The following CHIC1 variants were observed in gnomAD, a reference collection of about 807,000 sequenced individuals.
CHIC1 encodes cysteine-rich hydrophobic domain-containing protein 1.
A neutral mutation model predicts 18.5 loss-of-function variants in CHIC1; 7 were observed. The observed-to-expected ratio is 0.38, with a 90% CI of 0.22 to 0.71. The LOEUF is 0.71. CHIC1 is among the 30% of genes least tolerant of loss of function. The pLI, the probability that CHIC1 is intolerant of heterozygous loss-of-function variation, is 0.49. For synonymous variants in CHIC1, 77 were observed against 73.5 expected, an observed-to-expected ratio of 1.05 and a Z score of -0.25; for missense variants, 159 against 176.9, an observed-to-expected ratio of 0.90 and a Z score of 0.57.
At chrX:73,656,726 A>G (rs1010019083) in intron 3 of CHIC1, among the ~76,000 whole-genome samples, 3 of 112,194 alleles carry the variant, frequency 2.7e-5, no homozygotes, top group African/African-American at 9.7e-5. Flanking sequence ...GTTCAGAGTC[A>G]GGTAGCGTGA....
intron 3 of CHIC1, among the ~76,000 whole-genome samples, chrX:73,659,959 A>G (rs1327961733): frequency 4.5e-5 from 5 of 111,703 alleles, no homozygotes; most frequent in Non-Finnish European, 9.4e-5. Flanking sequence ...GGACATCAGT[A>G]TGATCACCCT....
intron 1 of CHIC1, among the ~76,000 whole-genome samples, chrX:73,573,562 G>A (rs1369224232): frequency 9.0e-6 from 1 of 111,412 alleles, no homozygotes; most frequent in Admixed American, 9.5e-5. Context: ...AGCGTGAAAT[G>A]TCTTTCCATT....
At chrX:73,658,666 C>T (rs1466327965) in intron 3 of CHIC1, among the ~76,000 whole-genome samples, 1 of 110,081 alleles carries the variant, frequency 9.1e-6, no homozygotes, top group Non-Finnish European at 1.9e-5. Context: ...TATTTCTTAT[C>T]TGCTACTAAA....
intron 3 of CHIC1, among the ~76,000 whole-genome samples, chrX:73,594,901 G>A (rs1015187606): frequency 5.4e-5 from 6 of 111,267 alleles, no homozygotes; most frequent in East Asian, 2.8e-4. Flanking sequence ...TAAAGTCTTC[G>A]CTGTTAATCC....
At chrX:73,577,377 A>T in intron 1 of CHIC1, 30 bp from the exon 2 acceptor site, 1 of 1,120,295 alleles carries the variant, frequency 8.9e-7, no homozygotes, top group Non-Finnish European at 1.2e-6. Context: ...TGCTGGGTAG[A>T]ACATATTTTG....
In CHIC1 at chrX:73,684,144, C is replaced by T. The variant is rs2058111365; in HGVS notation, c.*3139C>T. 1 of 110,740 alleles carries T rather than the reference C, an allele frequency of 9.0e-6. No homozygotes were observed. Among genetic ancestry groups the T allele is most frequent in the Non-Finnish European group, 1.9e-5 (1 of 52,590 alleles). The allele number at this position is 110,740 out of a possible 1,213,427, so 9.1% of individuals were successfully genotyped here. On this transcript the variant is annotated 3_prime_UTR_variant, in exon 6 of 6. Coordinates refer to ENST00000373502, the MANE Select transcript of CHIC1 (RefSeq NM_001039840.4). ...TAAAGCTTCTTTCCTTCCTTTTCCC[C>T]AATCATGATATATTAGTGACAAAAT...
chrX:73,641,937 A>G (rs1353637355), intron 3 of CHIC1, among the ~76,000 whole-genome samples: 1 of 111,490 alleles, frequency 9.0e-6, no homozygotes, highest in African/African-American at 3.3e-5. Flanking sequence ...ATTTGGGTTG[A>G]TTCCAAGTCT....
Position 73,679,315 on chromosome X carries a change from A to ATTT in CHIC1, c.508-8_508-6dup. 9.0e-7 allele frequency: 1 copy of ATTT among 1,109,586 alleles called. No individual in the cohort carries two copies. Among genetic ancestry groups the ATTT allele is most frequent in the African/African-American group, 1.8e-5 (1 of 55,647 alleles). The allele number at this position is 1,109,586 out of a possible 1,213,427, so 91.4% of individuals were successfully genotyped here. ...GTCATCTTGTAACAAAGTCTTGATC[A>ATTT]TTTTTCTTAGACCAGAAGATCAATT... is the stretch of plus-strand genomic sequence containing the variant. On this transcript the variant is annotated splice_polypyrimidine_tract_variant and intron_variant, in intron 3 of 5. Coordinates refer to ENST00000373502, the MANE Select transcript of CHIC1 (RefSeq NM_001039840.4).
chrX:73,644,799 GT>G (rs901498516), intron 3 of CHIC1, among the ~76,000 whole-genome samples: 10 of 108,632 alleles, frequency 9.2e-5, no homozygotes, highest in Non-Finnish European at 1.7e-4. Flanking sequence ...CAGGTTTGCT[GT>G]TTTTTTAAGC....
chrX:73,613,790 C>A (rs1175426309), intron 3 of CHIC1, among the ~76,000 whole-genome samples: 3 of 110,528 alleles, frequency 2.7e-5, no homozygotes, highest in African/African-American at 9.9e-5. Context: ...GTTTTATATA[C>A]CTTCCCTCCC....
At chrX:73,679,427 G>A (rs773507794) in intron 4 of CHIC1, 45 bp downstream of exon 4, 19 of 879,522 alleles carry the variant, frequency 2.2e-5, no homozygotes, top group Non-Finnish European at 6.5e-6. Context: ...TATATTTGCA[G>A]CATTAAATTG....
At chrX:73,659,973 A>G (rs1443189584) in intron 3 of CHIC1, among the ~76,000 whole-genome samples, 3 of 111,718 alleles carry the variant, frequency 2.7e-5, no homozygotes, top group African/African-American at 9.8e-5. Context: ...TCACCCTGAA[A>G]TGGCTGTGGG....
intron 3 of CHIC1, among the ~76,000 whole-genome samples, chrX:73,667,081 T>G (rs1051480124): frequency 4.5e-5 from 5 of 112,209 alleles, no homozygotes; most frequent in African/African-American, 1.6e-4. Context: ...TCTTGTTGAA[T>G]TGAACCCTTT....
chrX:73,576,449 G>T (rs765093300), intron 1 of CHIC1, among the ~76,000 whole-genome samples: 1 of 110,335 alleles, frequency 9.1e-6, no homozygotes, highest in South Asian at 3.7e-4. Flanking sequence ...CTAAGCAATA[G>T]AAATTTTTCA....
chrX:73,614,588 CT>C (rs2057723870), intron 3 of CHIC1, among the ~76,000 whole-genome samples: 1 of 109,959 alleles, frequency 9.1e-6, no homozygotes, highest in Non-Finnish European at 1.9e-5. Flanking sequence ...TTTTGTCTGA[CT>C]AGGTTATTTC....
intron 2 of CHIC1, among the ~76,000 whole-genome samples, chrX:73,579,829 G>A (rs1193673776): frequency 9.1e-6 from 1 of 110,475 alleles, no homozygotes; most frequent in African/African-American, 3.3e-5. Context: ...GAATAAAGTA[G>A]CTATGGAAAT....
intron 3 of CHIC1, among the ~76,000 whole-genome samples, chrX:73,610,479 C>T (rs912655348): frequency 1.9e-5 from 2 of 107,129 alleles, no homozygotes; most frequent in Non-Finnish European, 3.8e-5. Context: ...GTGTTGGTCT[C>T]GGTGGGAGCT....
intron 3 of CHIC1, among the ~76,000 whole-genome samples, chrX:73,672,756 G>C (rs1391076838): frequency 8.9e-6 from 1 of 111,791 alleles, no homozygotes; most frequent in Non-Finnish European, 1.9e-5. Context: ...CTGTGCAGAA[G>C]CTCTTTAGTT....
chrX:73,606,614 C>A (rs181058678), intron 3 of CHIC1, among the ~76,000 whole-genome samples: 1 of 108,349 alleles, frequency 9.2e-6, no homozygotes, highest in Admixed American at 9.7e-5. Context: ...TTCTCATCTT[C>A]ATGGATTTGT....
Sources: gnomAD v4.1 joint callset for allele counts (sites outside exome capture counted in the v4.1 genomes callset) on GRCh38, gnomAD v4.1.1 for gene constraint, MANE v1.5 for transcripts, NCBI Gene and HGNC (gene_info 2026-07-23, HGNC 2026-07-21) for gene names.